The following LRRC49 variants were observed in gnomAD, a reference collection of about 807,000 sequenced individuals.
The protein encoded by LRRC49 is leucine rich repeat containing 49, also known as leucine-rich repeat-containing protein 49.
Under a neutral mutation model 83.3 loss-of-function variants are expected in LRRC49, and 50 were observed. The ratio of observed to expected loss-of-function variants is 0.60; its 90% CI spans 0.48 to 0.76. The LOEUF (loss-of-function observed/expected upper bound fraction) is 0.76, where lower values mean the gene tolerates loss of function less well. Among genes scored for constraint, LRRC49 ranks in the 30% least tolerant of loss-of-function variants. LRRC49 has a pLI of 0.00. For missense variants in LRRC49, 704 were observed against 809.1 expected (o/e 0.87, Z 1.58); for synonymous variants, 286 against 283.3 (o/e 1.01, Z -0.10).
chr15:70,979,095 T>A (rs1281173080), intron 9 of LRRC49, among the ~76,000 whole-genome samples: 3 of 152,136 alleles, frequency 2.0e-5, no homozygotes, highest in African/African-American at 7.2e-5. Context: ...CTTTTGGTAA[T>A]GAAAATTAAA....
intron 1 of LRRC49, chr15:70,853,760 C>T: frequency 1.5e-6 from 1 of 661,170 alleles, no homozygotes; most frequent in Non-Finnish European, 2.1e-6. Context: ...CCCGGAGCTG[C>T]TTCCCCGGCG....
Position 70,919,055 on chromosome 15 carries a change from C to A in LRRC49, c.573C>A (p.Thr191=). 3 of 1,608,572 alleles carry A rather than the reference C, an allele frequency of 1.9e-6. No homozygotes were observed. Among genetic ancestry groups the A allele is most frequent in the African/African-American group, 1.3e-5 (1 of 74,796 alleles). ...DVLDLHGNQI[T]KIENINHLCE... ...TCTCCTATTTTCTTTAACAGATTAC[C>A]AAAATTGAAAATATTAATCATTTGT... The change falls in exon 7 of 16, where the codon ACC becomes ACA. Residue 191 remains threonine (T), a synonymous_variant. Transcript: ENST00000260382.
chr15:70,997,197 G>T (rs564666319), intron 11 of LRRC49, among the ~76,000 whole-genome samples: 1 of 152,100 alleles, frequency 6.6e-6, no homozygotes, highest in East Asian at 1.9e-4. Context: ...TGTCCATTTT[G>T]CTTCATGTAT....
chr15:71,042,529 A>AT (rs1210482120), intron 15 of LRRC49, among the ~76,000 whole-genome samples: 5 of 152,250 alleles, frequency 3.3e-5, no homozygotes, highest in Middle Eastern at 3.4e-3. Context: ...AAGTCCCTTA[A>AT]TCACTCTCTC....
intron 14 of LRRC49, among the ~76,000 whole-genome samples, chr15:71,031,717 G>A (rs1181458400): frequency 1.3e-5 from 2 of 152,146 alleles, no homozygotes; most frequent in Non-Finnish European, 2.9e-5. Flanking sequence ...GCCCAGTAAG[G>A]AGGAATCTAG....
At chr15:70,878,053 A>G (rs2033188674) in intron 2 of LRRC49, among the ~76,000 whole-genome samples, 2 of 152,154 alleles carry the variant, frequency 1.3e-5, no homozygotes, top group African/African-American at 4.8e-5. Context: ...GAATGGCGTG[A>G]ACCCGGGAGG....
At chr15:70,987,631 T>G (rs1262555860) in intron 11 of LRRC49, among the ~76,000 whole-genome samples, 1 of 152,108 alleles carries the variant, frequency 6.6e-6, no homozygotes, top group African/African-American at 2.4e-5. Flanking sequence ...GTGTCTCTAT[T>G]TCCTTCAGTT....
At chr15:70,864,682 A>C (rs557741850) in intron 1 of LRRC49, among the ~76,000 whole-genome samples, 2 of 152,272 alleles carry the variant, frequency 1.3e-5, no homozygotes, top group Admixed American at 6.5e-5. Flanking sequence ...CTAAGATATC[A>C]CTCAGGGGAA....
At chr15:70,864,522 G>A (rs1340350031) in intron 1 of LRRC49, among the ~76,000 whole-genome samples, 1 of 152,108 alleles carries the variant, frequency 6.6e-6, no homozygotes, top group Middle Eastern at 3.2e-3. Context: ...TGTCCATCTT[G>A]CCCTCACTCC....
At chr15:70,956,841 A>G (rs1239057103) in intron 8 of LRRC49, among the ~76,000 whole-genome samples, 2 of 152,222 alleles carry the variant, frequency 1.3e-5, no homozygotes, top group Non-Finnish European at 2.9e-5. Flanking sequence ...TAATAAAACT[A>G]TTCAAAGCAT....
At chr15:70,922,408 G>A (rs947990530) in intron 7 of LRRC49, among the ~76,000 whole-genome samples, 5 of 152,020 alleles carry the variant, frequency 3.3e-5, no homozygotes, top group East Asian at 1.9e-4. Flanking sequence ...CACATTAACC[G>A]AAATAAGCCA....
chr15:70,930,482 ATT>A (rs2035366274), intron 7 of LRRC49, among the ~76,000 whole-genome samples: 1 of 152,256 alleles, frequency 6.6e-6, no homozygotes, highest in Admixed American at 6.5e-5. Flanking sequence ...GGGCCATAGG[ATT>A]TTCACAATGG....
At chr15:70,866,421 A>G (rs1359442683) in intron 1 of LRRC49, among the ~76,000 whole-genome samples, 1 of 152,162 alleles carries the variant, frequency 6.6e-6, no homozygotes, top group African/African-American at 2.4e-5. Flanking sequence ...CCGGGATTAC[A>G]GGCGTGAGCG....
chr15:70,994,802 T>C (rs997740743), intron 11 of LRRC49, among the ~76,000 whole-genome samples: 1 of 152,194 alleles, frequency 6.6e-6, no homozygotes, highest in Admixed American at 6.5e-5. Context: ...TCAGTTTACC[T>C]AAATAGAAAA....
intron 7 of LRRC49, among the ~76,000 whole-genome samples, chr15:70,931,527 C>A (rs1047128329): frequency 2.6e-5 from 4 of 152,056 alleles, no homozygotes; most frequent in South Asian, 2.1e-4. Context: ...AGGATTGCCA[C>A]AAACCTTCAA....
rs1159460248 is a variant in LRRC49 at position 70,936,815 on chromosome 15, A to AT, written c.767dup (p.Ser257IlefsTer2). On this transcript the variant is annotated frameshift_variant, in exon 8 of 16. Coordinates refer to ENST00000260382, the MANE Select transcript of LRRC49 (RefSeq NM_017691.5). LOFTEE classifies it high-confidence loss of function. ...ACATCTCTTTCTCAGCTTTAACAAT[A>AT]TATCTAGGTAAGTGGAAACTCCCAA... 8 of 1,604,862 alleles carry AT rather than the reference A, an allele frequency of 5.0e-6. No homozygotes were observed. Among genetic ancestry groups the AT allele is most frequent in the Non-Finnish European group, 6.8e-6 (8 of 1,172,064 alleles).
Position 71,049,579 on chromosome 15 carries a change from G to T in LRRC49, c.2028G>T (p.Lys676Asn). 1 of 1,613,836 alleles carries T rather than the reference G, an allele frequency of 6.2e-7. No homozygotes were observed. The highest frequency in any genetic ancestry group is 8.5e-7 in the Non-Finnish European group (1 of 1,179,880). Reference protein sequence around the residue: ...IEIRNKNSYMKLCLQQITDQK With the variant: ...IEIRNKNSYMNLCLQQITDQK ...TTCGCAATAAAAATTCCTATATGAA[G>T]CTCTGCCTACAGCAGATAACAGACC... Residue 676 changes from lysine to asparagine, a missense_variant, in exon 16 of 16, where the codon AAG (lysine) becomes AAT (asparagine). This residue lies in a region of LRRC49 where 275 missense variants were observed against 338.0 expected (regional missense o/e 0.81). Coordinates refer to ENST00000260382, the MANE Select transcript of LRRC49 (RefSeq NM_017691.5).
chr15:70,899,901 A>G (rs1188522124), intron 3 of LRRC49, among the ~76,000 whole-genome samples: 1 of 152,198 alleles, frequency 6.6e-6, no homozygotes, highest in African/African-American at 2.4e-5. Context: ...TTCTTTTCAT[A>G]GAGGAAAATA....
intron 7 of LRRC49, among the ~76,000 whole-genome samples, chr15:70,932,816 G>A (rs568127996): frequency 7.3e-6 from 1 of 136,480 alleles, no homozygotes; most frequent in African/African-American, 2.7e-5. Flanking sequence ...TGCAACCTCC[G>A]CCTCCCTCGT....
Sources: allele counts gnomAD v4.1 joint callset (sites outside exome capture counted in the v4.1 genomes callset), GRCh38; gene constraint gnomAD v4.1.1; regional missense constraint gnomAD v4.1.1; transcripts MANE v1.5; gene names NCBI Gene and HGNC (gene_info 2026-07-23, HGNC 2026-07-21).